The following DMD variants were observed in gnomAD, a reference collection of about 807,000 sequenced individuals.
The protein encoded by DMD is dystrophin.
DMD carries 63 observed loss-of-function variants against 330.1 expected under a neutral mutation model. The ratio of observed to expected loss-of-function variants is 0.19; its 90% CI spans 0.16 to 0.24. The LOEUF (loss-of-function observed/expected upper bound fraction) is 0.24. Ranked by LOEUF, DMD falls within the 10% of genes least tolerant of loss-of-function variation. The pLI, the probability that DMD is intolerant of heterozygous loss-of-function variation, is 1.00. For missense variants in DMD, 3,344 were observed against 2,684.1 expected (o/e 1.25, Z -5.43); for synonymous variants, 1,223 against 959.8 (o/e 1.27, Z -5.07).
chrX:32,453,173 T>C (rs1239539699), intron 26 of DMD, among the ~76,000 whole-genome samples: 1 of 111,042 alleles, frequency 9.0e-6, no homozygotes, highest in Non-Finnish European at 1.9e-5. Flanking sequence ...TTTCCATTTA[T>C]TGCCTGCTCC....
At chrX:32,631,192 C>T (rs747075837) in intron 11 of DMD, among the ~76,000 whole-genome samples, 3 of 111,591 alleles carry the variant, frequency 2.7e-5, no homozygotes, top group African/African-American at 9.8e-5. Context: ...AAGAGAGTCT[C>T]TCTCTGTGAT....
chrX:32,845,800 T>G (rs2080602564), intron 3 of DMD, among the ~76,000 whole-genome samples: 1 of 112,464 alleles, frequency 8.9e-6, no homozygotes, highest in South Asian at 3.7e-4. Flanking sequence ...TTAATCTCCC[T>G]GTATACCAGT....
intron 43 of DMD, among the ~76,000 whole-genome samples, chrX:32,249,107 C>G (rs1348263783): frequency 9.0e-6 from 1 of 111,379 alleles, no homozygotes; most frequent in Non-Finnish European, 1.9e-5. Flanking sequence ...TTCCCATGCT[C>G]TACCATAAGA....
At chrX:31,977,437 A>G (rs1298051419) in intron 44 of DMD, among the ~76,000 whole-genome samples, 1 of 111,239 alleles carries the variant, frequency 9.0e-6, no homozygotes, top group Non-Finnish European at 1.9e-5. Flanking sequence ...AGGCCTAGAA[A>G]TACGATAAAG....
chrX:33,009,550 ATGTG>A lies in DMD; in HGVS notation c.93+10585_93+10588del, dbSNP rs199781093. Among the ~76,000 whole-genome samples the A allele has an allele frequency of 1.3e-4, 9 of 66,894 alleles. 1 individual carries two copies. The East Asian group carries it at 2.1e-3, about 15-fold the overall frequency. The allele number at this position is 66,894 out of a possible 115,157, so 58.1% of individuals were successfully genotyped here. On this transcript the variant is annotated intron_variant, in intron 2 of 78. Coordinates refer to ENST00000357033, the MANE Select transcript of DMD (RefSeq NM_004006.3). ...TATGTGTGTATGTGTATATACACAT[ATGTG>A]TGTATGTGTGTATGTGTATATACAC...
chrX:32,711,334 AG>A (rs755149955), intron 7 of DMD, among the ~76,000 whole-genome samples: 1 of 110,915 alleles, frequency 9.0e-6, no homozygotes, highest in East Asian at 2.9e-4. Context: ...CCAGAAACCC[AG>A]GGGCTTGGTA....
At chrX:31,621,579 G>A (rs141898468) in intron 55 of DMD, among the ~76,000 whole-genome samples, 4,403 of 111,430 alleles carry the variant, frequency 0.04, 207 homozygotes, top group African/African-American at 0.13. Flanking sequence ...CTGCCTCTCT[G>A]GTATGCATTT....
intron 59 of DMD, among the ~76,000 whole-genome samples, chrX:31,460,325 C>A (rs1031237547): frequency 9.0e-6 from 1 of 111,315 alleles, no homozygotes; most frequent in East Asian, 2.8e-4. Context: ...CACAGAGCCT[C>A]AAGGGGTGGA....
intron 1 of DMD, among the ~76,000 whole-genome samples, chrX:33,314,741 G>A (rs769509773): frequency 1.2e-4 from 13 of 108,557 alleles, no homozygotes; most frequent in African/African-American, 2.0e-4. Context: ...AAGCAGTATA[G>A]CATCTTCCAG....
intron 44 of DMD, among the ~76,000 whole-genome samples, chrX:32,104,342 G>T (rs2096554233): frequency 9.0e-6 from 1 of 111,613 alleles, no homozygotes; most frequent in Admixed American, 9.5e-5. Context: ...ACTATGAATA[G>T]CCCTAGCTTA....
At chrX:32,116,829 G>A (rs1424120960) in intron 44 of DMD, among the ~76,000 whole-genome samples, 1 of 111,841 alleles carries the variant, frequency 8.9e-6, no homozygotes, top group East Asian at 2.8e-4. Flanking sequence ...CACCAACTTT[G>A]TGGCTTGAAA....
At chrX:32,308,200 G>A (rs1161176590) in intron 42 of DMD, among the ~76,000 whole-genome samples, 1 of 110,439 alleles carries the variant, frequency 9.1e-6, no homozygotes, top group African/African-American at 3.3e-5. Flanking sequence ...GTTGTATTTT[G>A]TTTAGAAAGT....
chrX:32,541,371 T>A (rs1284737816), intron 17 of DMD, among the ~76,000 whole-genome samples: 1 of 111,641 alleles, frequency 9.0e-6, no homozygotes, highest in Non-Finnish European at 1.9e-5. Context: ...CTCTATGGTC[T>A]CCACCACCAA....
intron 1 of DMD, among the ~76,000 whole-genome samples, chrX:33,206,355 C>T (rs918194654): frequency 9.0e-6 from 1 of 111,513 alleles, no homozygotes; most frequent in African/African-American, 3.3e-5. Context: ...AGAACAACAA[C>T]AAACAACAAC....
Position 32,600,602 on chromosome X carries a change from A to G in DMD, c.1483-4726T>C, listed in dbSNP as rs750672213. Among the ~76,000 whole-genome samples, 303 of 104,330 alleles carry G rather than the reference A, an allele frequency of 2.9e-3. 2 individuals are homozygous for G. The highest frequency in any genetic ancestry group is 0.01 in the African/African-American group (278 of 27,360). The allele number at this position is 104,330 out of a possible 115,157, so 90.6% of individuals were successfully genotyped here. ...CACACACACAAACACGCACACGCACACACACACACACACACACACACAAAA... is the reference window on the plus strand; with the variant it reads ...CACACACACAAACACGCACACGCACGCACACACACACACACACACACAAAA... On this transcript the variant is annotated intron_variant, in intron 12 of 78. Coordinates refer to ENST00000357033, the MANE Select transcript of DMD (RefSeq NM_004006.3).
At chrX:33,110,013 C>T (rs1338253110) in intron 1 of DMD, among the ~76,000 whole-genome samples, 1 of 111,225 alleles carries the variant, frequency 9.0e-6, no homozygotes, top group Non-Finnish European at 1.9e-5. Flanking sequence ...CAGTACACTG[C>T]TCTTTGTTCC....
In DMD at chrX:32,716,344, C is replaced by A. The variant is rs997536438; in HGVS notation, c.650-17051G>T. On this transcript the variant is annotated intron_variant, in intron 7 of 78. Coordinates refer to ENST00000357033, the MANE Select transcript of DMD (RefSeq NM_004006.3). Reference sequence around the variant, plus strand: ...TCTGGTTGTTTAAAAGTGTGTAGTACTGCCCCCTGCTTTCTCCTCCTTCTC... The same window carrying A: ...TCTGGTTGTTTAAAAGTGTGTAGTAATGCCCCCTGCTTTCTCCTCCTTCTC... Among the ~76,000 whole-genome samples, 13 of 110,273 alleles carry A rather than the reference C, an allele frequency of 1.2e-4. No homozygotes were observed. The East Asian group carries it at 3.8e-3, about 32-fold the overall frequency.
chrX:31,906,101 T>C (rs1364789333), intron 47 of DMD, among the ~76,000 whole-genome samples: 1 of 111,148 alleles, frequency 9.0e-6, no homozygotes, highest in African/African-American at 3.3e-5. Flanking sequence ...CTCATGCTGT[T>C]CTTGTGACAG....
intron 57 of DMD, among the ~76,000 whole-genome samples, chrX:31,481,149 A>G (rs914247446): frequency 4.5e-5 from 5 of 112,283 alleles, no homozygotes; most frequent in Non-Finnish European, 7.5e-5. Flanking sequence ...CACTATTGCT[A>G]TCTGGAAATA....
Sources: gnomAD v4.1 joint callset for allele counts (sites outside exome capture counted in the v4.1 genomes callset) on GRCh38, gnomAD v4.1.1 for gene constraint, MANE v1.5 for transcripts, NCBI Gene and HGNC (gene_info 2026-07-23, HGNC 2026-07-21) for gene names.